The following RSPRY1 variants were observed in gnomAD, a reference collection of about 807,000 sequenced individuals.
RSPRY1 encodes RING finger and SPRY domain-containing protein 1.
A neutral mutation model predicts 73.1 loss-of-function variants in RSPRY1; 23 were observed. The ratio of observed to expected loss-of-function variants is 0.31; its 90% confidence interval spans 0.23 to 0.45. The LOEUF (loss-of-function observed/expected upper bound fraction) is 0.45, where lower values mean the gene tolerates loss of function less well. RSPRY1 is among the 20% of genes least tolerant of loss of function. The pLI, the probability that RSPRY1 is intolerant of heterozygous loss-of-function variation, is 1.00. For synonymous variants in RSPRY1, 226 were observed against 251.4 expected, an observed-to-expected ratio of 0.90 and a Z score of 0.95; for missense variants, 448 against 698.7, an observed-to-expected ratio of 0.64 and a Z score of 4.05.
At chr16:57,196,034 A>AAAAAAATAT (rs1555499007) in intron 1 of RSPRY1, among the ~76,000 whole-genome samples, 1 of 122,822 alleles carries the variant, frequency 8.1e-6, no homozygotes, top group African/African-American at 3.0e-5. Flanking sequence ...AAAAAAAAAA[A>AAAAAAATAT]ATATATATAT....
rs190519504 is a variant in RSPRY1, at chr16:57,221,328, C to T, written c.1074C>T (p.Ala358=). The T allele has an allele frequency of 1.3e-4, 209 of 1,613,912 alleles. No individual in the cohort carries two copies. In the East Asian group the frequency reaches 1.4e-3, roughly 11 times the overall value. The change falls in exon 10 of 15, where the codon GCC becomes GCT. Residue 358 remains alanine, a synonymous_variant. Coordinates refer to ENST00000394420, the MANE Select transcript of RSPRY1 (RefSeq NM_133368.3). Reference sequence around the variant, plus strand: ...TGCGTTGCACCTTTTGTGTGGATGCCGGGGTATGGTACTATGAAGTAACAG... The same window carrying T: ...TGCGTTGCACCTTTTGTGTGGATGCTGGGGTATGGTACTATGAAGTAACAG... ...ESVRCTFCVD[A]GVWYYEVTVV... is the part of the protein sequence containing the mutation.
At chr16:57,225,112 G>T (rs555062532) in intron 10 of RSPRY1, among the ~76,000 whole-genome samples, 48 of 152,344 alleles carry the variant, frequency 3.2e-4, no homozygotes, top group African/African-American at 1.2e-3. Flanking sequence ...AGGCCAGGGT[G>T]CAGTGGCACG....
At chr16:57,201,132 CCGGG>C (rs2074589239) in intron 1 of RSPRY1, among the ~76,000 whole-genome samples, 1 of 151,102 alleles carries the variant, frequency 6.6e-6, no homozygotes, top group Non-Finnish European at 1.5e-5. Flanking sequence ...GGAGTGGCTG[CCGGG>C]CGGAGGGGCT....
At chr16:57,187,199 C>T (rs2074233524) in intron 1 of RSPRY1, 1 of 152,236 alleles carries the variant, frequency 6.6e-6, no homozygotes, top group African/African-American at 2.4e-5. Context: ...ACACAGGATC[C>T]AACTGCTTCC....
Position 57,227,451 on chromosome 16 carries a change from A to G in RSPRY1, c.1271A>G (p.Glu424Gly). The G allele has an allele frequency of 1.2e-6, 2 of 1,607,594 alleles. No homozygotes were observed. Among genetic ancestry groups the G allele is most frequent in the Non-Finnish European group, 1.7e-6 (2 of 1,174,106 alleles). Residue 424 changes from glutamate to glycine, a missense_variant and splice_region_variant, in exon 11 of 15, where the codon GAA becomes GGA. Transcript: ENST00000394420. The stretch of plus-strand genomic sequence containing the variant: ...CCTCACATACACCCATGCTGGAAAG[A>G]AGGTATTCATTCCCTCCATTATAAA... ...SKPHIHPCWK[E>G]GDTVGFLLDL...
chr16:57,211,948 T>G (rs2146283430), intron 4 of RSPRY1, among the ~76,000 whole-genome samples: 1 of 152,300 alleles, frequency 6.6e-6, no homozygotes, highest in South Asian at 2.1e-4. Context: ...AAGGGGAAAG[T>G]CTTTAGCGTA....
Position 57,204,987 on chromosome 16 carries a change from T to A in RSPRY1, c.329T>A (p.Val110Glu). The A allele has an allele frequency of 6.2e-7, 1 of 1,613,554 alleles. No homozygotes were observed. Among genetic ancestry groups the A allele is most frequent in the Non-Finnish European group, 8.5e-7 (1 of 1,179,566 alleles). The change falls in exon 2 of 15, where the codon GTA (valine) becomes GAA (glutamate). Residue 110 changes from valine to glutamate, a missense_variant. Coordinates refer to ENST00000394420, the MANE Select transcript of RSPRY1 (RefSeq NM_133368.3). ...VDGLVLDTLA[V>E]IRTLVDNDQE... ...GGGCTAGTGTTGGACACACTGGCAGTAATACGGACTCTTGTAGATAAGTAA... is the reference window on the plus strand; with the variant it reads ...GGGCTAGTGTTGGACACACTGGCAGAAATACGGACTCTTGTAGATAAGTAA...
At position 57,205,749 on chromosome 16, in the gene RSPRY1, G is replaced by A. The variant is rs2074712611; in HGVS notation, c.350+741G>A. ...AGTGCCTTACTAACTGCATGACATT[G>A]GGTAAGTTACTTCTTGAAGCCTCAG... On this transcript the variant is annotated intron_variant, in intron 2 of 14. Transcript: ENST00000394420. Among the ~76,000 whole-genome samples, 4 of 152,192 alleles carry A rather than the reference G, an allele frequency of 2.6e-5. No individual in the cohort carries two copies. In the South Asian group the frequency reaches 8.3e-4, roughly 32 times the overall value.
At chr16:57,198,521 C>G (rs2074496609) in intron 1 of RSPRY1, among the ~76,000 whole-genome samples, 1 of 152,172 alleles carries the variant, frequency 6.6e-6, no homozygotes, top group African/African-American at 2.4e-5. Flanking sequence ...CTCACAGGCA[C>G]CCCCAAGATG....
intron 4 of RSPRY1, among the ~76,000 whole-genome samples, chr16:57,210,565 T>G (rs2074821963): frequency 1.3e-5 from 2 of 151,922 alleles, no homozygotes; most frequent in South Asian, 4.2e-4. Context: ...CTACTAAAAA[T>G]CAGCCGGGAG....
In RSPRY1 at chr16:57,220,643, C is replaced by T. The variant is rs1267671737; in HGVS notation, c.902-89C>T. The T allele has an allele frequency of 2.8e-5, 20 of 725,100 alleles. No individual in the cohort carries two copies. The Admixed American group carries it at 3.3e-4, about 12-fold the overall frequency. 44.9% of individuals were successfully genotyped at this position (725,100 alleles called of 1,614,324 possible). A position where few individuals can be genotyped will look rare whatever the true frequency, so the allele number is the denominator to read the frequency against. On this transcript the variant is annotated intron_variant, in intron 8 of 14. Transcript: ENST00000394420. Reference sequence around the variant, plus strand: ...CCATTTTGGATGCCCTTTATTTCTTCCTCTTGTCTGATTGCTGTAGCTGGC... The same window carrying T: ...CCATTTTGGATGCCCTTTATTTCTTTCTCTTGTCTGATTGCTGTAGCTGGC...
intron 1 of RSPRY1, among the ~76,000 whole-genome samples, chr16:57,198,635 A>C (rs2074499295): frequency 6.6e-6 from 1 of 152,036 alleles, no homozygotes; most frequent in Admixed American, 6.5e-5. Flanking sequence ...GAAATTACTG[A>C]GCAACAAGAT....
intron 11 of RSPRY1, among the ~76,000 whole-genome samples, chr16:57,228,740 C>T (rs1191353743): frequency 6.6e-6 from 1 of 152,176 alleles, no homozygotes; most frequent in Non-Finnish European, 1.5e-5. Context: ...ATAGCCCAGG[C>T]TTGCGTGCAG....
At chr16:57,204,250 A>G (rs192656852) in intron 1 of RSPRY1, among the ~76,000 whole-genome samples, 1 of 152,222 alleles carries the variant, frequency 6.6e-6, no homozygotes, top group Admixed American at 6.5e-5. Context: ...TTTTAAAAAA[A>G]TCAATGATAA....
Position 57,238,899 on chromosome 16 carries a change from C to A in RSPRY1, c.1655C>A (p.Ala552Asp). 6.2e-7 allele frequency: 1 copy of A among 1,605,766 alleles called. No homozygotes were observed. The highest frequency in any genetic ancestry group is 8.5e-7 in the Non-Finnish European group (1 of 1,175,838). The change falls in exon 15 of 15, where the codon GCC (alanine) becomes GAC (aspartate). Residue 552 changes from alanine to aspartate, a missense_variant. Coordinates refer to ENST00000394420, the MANE Select transcript of RSPRY1 (RefSeq NM_133368.3). ...CGHSDLCMDC[A>D]LQLETCPLCR... ...CCCAGTGACCTGTGCATGGATTGTG[C>A]CTTGCAGCTGGAGACCTGCCCATTG...
intron 10 of RSPRY1, among the ~76,000 whole-genome samples, chr16:57,226,532 T>G (rs1437226952): frequency 6.6e-6 from 1 of 152,204 alleles, no homozygotes; most frequent in South Asian, 2.1e-4. Context: ...TCCTCTCCTT[T>G]TTAGACTATA....
At chr16:57,228,298 A>G (rs1299554437) in intron 11 of RSPRY1, among the ~76,000 whole-genome samples, 1 of 149,660 alleles carries the variant, frequency 6.7e-6, no homozygotes, top group Non-Finnish European at 1.5e-5. Context: ...AAAAAAGGAA[A>G]GCAGGAATTT....
intron 1 of RSPRY1, among the ~76,000 whole-genome samples, chr16:57,198,046 T>TA (rs1454808344): frequency 8.6e-5 from 13 of 151,514 alleles, no homozygotes; most frequent in South Asian, 2.1e-4. Context: ...AGTCAGATTT[T>TA]AAAAAAAAAT....
chr16:57,202,248 G>A (rs1478695411), intron 1 of RSPRY1, among the ~76,000 whole-genome samples: 13 of 151,914 alleles, frequency 8.6e-5, no homozygotes, highest in African/African-American at 2.2e-4. Context: ...GGTGGCGGGG[G>A]TCCTTGTTCT....
Sources: allele counts gnomAD v4.1 joint callset (sites outside exome capture counted in the v4.1 genomes callset), GRCh38; gene constraint gnomAD v4.1.1; transcripts MANE v1.5; gene names NCBI Gene and HGNC (gene_info 2026-07-23, HGNC 2026-07-21).